The following MAP4K4 variants were observed in gnomAD, a reference collection of about 807,000 sequenced individuals.
MAP4K4 encodes HPK/GCK-like kinase HGK.
Under a neutral mutation model 189.6 loss-of-function variants are expected in MAP4K4, and 38 were observed. The observed-to-expected ratio is 0.20, with a 90% confidence interval of 0.15 to 0.26. The LOEUF (loss-of-function observed/expected upper bound fraction) is 0.26, where lower values mean the gene tolerates loss of function less well. Ranked by LOEUF, MAP4K4 falls within the 10% of genes least tolerant of loss-of-function variation. The pLI, the probability that MAP4K4 is intolerant of heterozygous loss-of-function variation, is 1.00. For missense variants in MAP4K4, 1,054 were observed against 1,726.9 expected (o/e 0.61, Z 6.91); for synonymous variants, 610 against 624.3 (o/e 0.98, Z 0.34).
In MAP4K4 at chr2:101,729,077, G is replaced by GAAAGAGA. The variant is rs70946662; in HGVS notation, c.123+30539_123+30540insAAAGAGA. Among the ~76,000 whole-genome samples, 900 of 128,672 alleles carry GAAAGAGA rather than the reference G, an allele frequency of 7.0e-3. 10 individuals carry two copies. Among genetic ancestry groups the GAAAGAGA allele is most frequent in the Admixed American group, 8.5e-3 (106 of 12,530 alleles). 84.4% of individuals were successfully genotyped at this position (128,672 alleles called of 152,430 possible). ...ATGGCTCAGAAAATGATTAGAGAGA[G>GAAAGAGA]GAGAGAGAGAGAGAGAGAGAGAGAG... On this transcript the variant is annotated intron_variant, in intron 2 of 32. Coordinates refer to ENST00000324219, the Ensembl canonical transcript of MAP4K4.
chr2:101,744,070 A>C (rs1047507294), intron 2 of MAP4K4, among the ~76,000 whole-genome samples: 2 of 152,206 alleles, frequency 1.3e-5, no homozygotes, highest in African/African-American at 4.8e-5. Context: ...TGGCTGTTAA[A>C]GACTGAGTGG....
At chr2:101,812,077 C>T (rs1470136102) in intron 3 of MAP4K4, among the ~76,000 whole-genome samples, 3 of 152,112 alleles carry the variant, frequency 2.0e-5, no homozygotes, top group Admixed American at 6.5e-5. Flanking sequence ...GACAACAATA[C>T]GTTTACTTTT....
intron 26 of MAP4K4, among the ~76,000 whole-genome samples, chr2:101,874,725 A>G (rs998914521): frequency 6.6e-6 from 1 of 152,214 alleles, no homozygotes; most frequent in African/African-American, 2.4e-5. Context: ...TCATGCTTGT[A>G]ATTTCCAAGT....
intron 3 of MAP4K4, among the ~76,000 whole-genome samples, chr2:101,811,386 A>AAAAAAGG (rs1553493585): frequency 8.5e-5 from 12 of 140,798 alleles, no homozygotes; most frequent in African/African-American, 2.5e-4. Flanking sequence ...AAAAAAAAAA[A>AAAAAAGG]AAAAAGAATG....
At chr2:101,787,635 C>T (rs1056756376) in intron 2 of MAP4K4, among the ~76,000 whole-genome samples, 2 of 152,100 alleles carry the variant, frequency 1.3e-5, no homozygotes, top group Non-Finnish European at 2.9e-5. Flanking sequence ...CTTGGTGTAG[C>T]TTCCTTAGCA....
chr2:101,699,709 C>CGAG (rs959662316), intron 2 of MAP4K4, among the ~76,000 whole-genome samples: 2 of 152,150 alleles, frequency 1.3e-5, no homozygotes, highest in African/African-American at 2.4e-5. Context: ...CACTTGAACG[C>CGAG]CTCTCCTTAG....
At chr2:101,717,638 T>C (rs1033750911) in intron 2 of MAP4K4, among the ~76,000 whole-genome samples, 3 of 152,198 alleles carry the variant, frequency 2.0e-5, no homozygotes, top group Non-Finnish European at 4.4e-5. Context: ...CACATGGGAC[T>C]GTCTGTGGTG....
exon 1 of MAP4K4, chr2:101,698,029 A>G: frequency 8.1e-7 from 1 of 1,236,280 alleles, no homozygotes; most frequent in Non-Finnish European, 1.1e-6. Context: ...TGAGATACAC[A>G]GAGCGACAGA....
chr2:101,806,026 C>A (rs1018967054), intron 3 of MAP4K4, among the ~76,000 whole-genome samples: 5 of 152,142 alleles, frequency 3.3e-5, no homozygotes, highest in Non-Finnish European at 7.4e-5. Context: ...AAATAAAATT[C>A]CAAGCAAGCC....
chr2:101,729,852 T>A (rs1186952183), intron 2 of MAP4K4, among the ~76,000 whole-genome samples: 1 of 152,216 alleles, frequency 6.6e-6, no homozygotes, highest in Non-Finnish European at 1.5e-5. Context: ...ACTCTGTTGG[T>A]TCTCTGGGTG....
At chr2:101,750,404 G>C (rs977351946) in intron 2 of MAP4K4, among the ~76,000 whole-genome samples, 1 of 143,992 alleles carries the variant, frequency 6.9e-6, no homozygotes, top group Admixed American at 7.1e-5. Context: ...GTAAACTATC[G>C]CAAGAACAAA....
intron 15 of MAP4K4, 97 bp downstream of exon 15, chr2:101,859,961 T>G (rs2097586864): frequency 8.3e-7 from 1 of 1,197,986 alleles, no homozygotes; most frequent in Non-Finnish European, 1.2e-6. Flanking sequence ...GGCCATAGAG[T>G]TTAGCTAATT....
intron 2 of MAP4K4, among the ~76,000 whole-genome samples, chr2:101,770,486 A>G (rs2080880948): frequency 6.6e-6 from 1 of 152,174 alleles, no homozygotes; most frequent in Non-Finnish European, 1.5e-5. Flanking sequence ...CATGTTGGGC[A>G]GGCTGGTCTT....
intron 1 of MAP4K4, 40 bp from the exon 2 acceptor site, chr2:101,698,433 C>G (rs752146155): frequency 1.9e-6 from 3 of 1,545,526 alleles, no homozygotes; most frequent in Non-Finnish European, 1.8e-6. Context: ...ATTTTTTTGG[C>G]TTCTTTTAAA....
chr2:101,775,881 C>G lies in MAP4K4; in HGVS notation c.124-14839C>G, dbSNP rs770161081. The stretch of plus-strand genomic sequence containing the variant: ...GCTTGTGTGGTCACTCACTGTGGGT[C>G]AGTGTTTTTGTTGGAGTGTTATGTG... On this transcript the variant is annotated intron_variant, in intron 2 of 32. Coordinates refer to ENST00000324219, the Ensembl canonical transcript of MAP4K4. 7.4e-4 allele frequency among the ~76,000 whole-genome samples: 112 copies of G among 152,184 alleles called. 1 individual carries two copies. Among genetic ancestry groups the G allele is most frequent in the Non-Finnish European group, 8.7e-4 (59 of 68,034 alleles).
chr2:101,745,062 G>C (rs775624152), intron 2 of MAP4K4, among the ~76,000 whole-genome samples: 4 of 152,132 alleles, frequency 2.6e-5, no homozygotes, highest in Non-Finnish European at 4.4e-5. Context: ...TAGTGTAGCA[G>C]ATTTAAAAGT....
chr2:101,884,071 G>T (rs374732053), intron 28 of MAP4K4, among the ~76,000 whole-genome samples: 3 of 152,244 alleles, frequency 2.0e-5, no homozygotes, highest in African/African-American at 7.2e-5. Context: ...AAGTCTGTTG[G>T]GCTTTTCCCC....
At chr2:101,855,652 C>T (rs1025365054) in intron 12 of MAP4K4, among the ~76,000 whole-genome samples, 7 of 152,116 alleles carry the variant, frequency 4.6e-5, no homozygotes, top group Non-Finnish European at 8.8e-5. Context: ...AAGGGTCCTG[C>T]ATAACCCTGT....
chr2:101,750,890 T>TG (rs1413169069), intron 2 of MAP4K4, among the ~76,000 whole-genome samples: 3 of 151,530 alleles, frequency 2.0e-5, no homozygotes, highest in African/African-American at 4.9e-5. Flanking sequence ...CACAGAGGAA[T>TG]GGGGGGTCAT....
Sources: allele counts gnomAD v4.1 joint callset (sites outside exome capture counted in the v4.1 genomes callset), GRCh38; gene constraint gnomAD v4.1.1; transcripts MANE v1.5; gene names NCBI Gene and HGNC (gene_info 2026-07-23, HGNC 2026-07-21).